Variants in DENND1B observed in about 807,000 individuals in gnomAD.
DENND1B encodes DENN domain containing 1B.
A neutral mutation model predicts 90.1 loss-of-function variants in DENND1B; 59 were observed. The observed-to-expected ratio is 0.65, with a 90% CI of 0.53 to 0.81. The LOEUF (loss-of-function observed/expected upper bound fraction) is 0.81. Among genes scored for constraint, DENND1B ranks in the 40% least tolerant of loss-of-function variants. DENND1B has a pLI of 0.00. For synonymous variants in DENND1B, 337 were observed against 324.6 expected, an observed-to-expected ratio of 1.04 and a Z score of -0.41; for missense variants, 862 against 912.6, an observed-to-expected ratio of 0.94 and a Z score of 0.71.
chr1:197,766,177 C>A (rs1457099388), intron 2 of DENND1B, among the ~76,000 whole-genome samples: 3 of 152,180 alleles, frequency 2.0e-5, no homozygotes, highest in Non-Finnish European at 4.4e-5. Context: ...TCAAGGGATT[C>A]TCCCACCTCT....
chr1:197,649,793 C>A (rs1211733802), intron 7 of DENND1B, among the ~76,000 whole-genome samples: 1 of 152,128 alleles, frequency 6.6e-6, no homozygotes, highest in African/African-American at 2.4e-5. Context: ...AAAAACCCTT[C>A]TAGACATTGG....
chr1:197,589,946 C>T (rs2125792281), intron 14 of DENND1B, among the ~76,000 whole-genome samples: 1 of 152,206 alleles, frequency 6.6e-6, no homozygotes, highest in East Asian at 1.9e-4. Flanking sequence ...TATTTTAACT[C>T]AAACAAACAT....
At chr1:197,722,086 A>G (rs76563437) in intron 2 of DENND1B, among the ~76,000 whole-genome samples, 5,067 of 152,216 alleles carry the variant, frequency 0.033, 284 homozygotes, top group African/African-American at 0.11. Flanking sequence ...TTCTTGCTGT[A>G]ATGTCTTACA....
At chr1:197,682,864 C>T (rs1656837032) in intron 3 of DENND1B, among the ~76,000 whole-genome samples, 1 of 152,132 alleles carries the variant, frequency 6.6e-6, no homozygotes, top group Non-Finnish European at 1.5e-5. Flanking sequence ...TTATATAAGG[C>T]CTTTAGGCCA....
At chr1:197,645,435 T>C (rs11807556) in intron 9 of DENND1B, among the ~76,000 whole-genome samples, 3,688 of 152,094 alleles carry the variant, frequency 0.024, 157 homozygotes, top group African/African-American at 0.083. Flanking sequence ...CTACAAATGA[T>C]AGAAATAGTT....
intron 2 of DENND1B, among the ~76,000 whole-genome samples, chr1:197,717,687 CT>C (rs1660772120): frequency 6.6e-6 from 1 of 151,804 alleles, no homozygotes; most frequent in Non-Finnish European, 1.5e-5. Context: ...ACTATTAAGG[CT>C]TTTTTAAAAT....
rs1015039312 is a variant in DENND1B, at chr1:197,508,769, A to G, written c.*1691T>C. 6.6e-6 allele frequency: 1 copy of G among 151,796 alleles called. No individual in the cohort carries two copies. Among genetic ancestry groups the G allele is most frequent in the Non-Finnish European group, 1.5e-5 (1 of 67,836 alleles). 9.4% of individuals were successfully genotyped at this position (151,796 alleles called of 1,614,324 possible). A position where few individuals can be genotyped will look rare whatever the true frequency, so the allele number is the denominator to read the frequency against. Reference sequence around the variant, plus strand: ...TAAAGTGGATATACTGAAAATGCTAATAACAATTTAACCATACTATCACTG... The same window carrying G: ...TAAAGTGGATATACTGAAAATGCTAGTAACAATTTAACCATACTATCACTG... On this transcript the variant is annotated 3_prime_UTR_variant, in exon 23 of 23. Transcript: ENST00000620048.
intron 2 of DENND1B, among the ~76,000 whole-genome samples, chr1:197,732,520 T>C (rs532190305): frequency 1.3e-5 from 2 of 152,292 alleles, no homozygotes; most frequent in South Asian, 4.1e-4. Context: ...ATCGGAATAA[T>C]AGAAGAAACA....
In DENND1B at chr1:197,514,310, C is replaced by T. The variant is rs926558260; in HGVS notation, c.1516-1357G>A. Among the ~76,000 whole-genome samples the T allele has an allele frequency of 7.3e-5, 11 of 151,612 alleles. No individual in the cohort carries two copies. The South Asian group carries it at 2.3e-3, about 32-fold the overall frequency. On this transcript the variant is annotated intron_variant, in intron 20 of 22. Transcript: ENST00000620048. ...AAATCCTTGATTTCTTTCCTTTTAACAATTTTGAGAGTGATGAGCTAAGCT... is the reference window on the plus strand; with the variant it reads ...AAATCCTTGATTTCTTTCCTTTTAATAATTTTGAGAGTGATGAGCTAAGCT...
rs1294797407 is a variant in DENND1B, at chr1:197,715,053, A to T, written c.104T>A (p.Phe35Tyr). ...ENEDPVVLWK[F>Y]PEDFGDQEIL... ...AACCTGGTCTCCAAAGTCCTCTGGG[A>T]ATTTCCACAATACCACAGGATCTGT... The change falls in exon 3 of 23, where the codon TTC becomes TAC. Residue 35 changes from phenylalanine to tyrosine, a missense_variant. Phe to Tyr is a conservative substitution (Grantham distance 22). Coordinates refer to ENST00000620048, the MANE Select transcript of DENND1B (RefSeq NM_001195215.2). The T allele has an allele frequency of 1.2e-6, 2 of 1,611,548 alleles. No homozygotes were observed. The highest frequency in any genetic ancestry group is 1.7e-6 in the Non-Finnish European group (2 of 1,178,572).
chr1:197,624,177 A>C (rs1011216617), intron 10 of DENND1B, among the ~76,000 whole-genome samples: 1 of 151,730 alleles, frequency 6.6e-6, no homozygotes, highest in Non-Finnish European at 1.5e-5. Context: ...ACTTATTATA[A>C]AGCTACAATA....
At chr1:197,595,542 T>C (rs1373042393) in intron 13 of DENND1B, among the ~76,000 whole-genome samples, 1 of 152,044 alleles carries the variant, frequency 6.6e-6, no homozygotes, top group Non-Finnish European at 1.5e-5. Flanking sequence ...CTAATGCAAA[T>C]TGGTTTATGC....
chr1:197,715,206 T>C (rs1660532980), intron 2 of DENND1B, 132 bp from the exon 3 acceptor site: 7 of 588,488 alleles, frequency 1.2e-5, no homozygotes, highest in East Asian at 9.4e-5. Flanking sequence ...TAAACATTTA[T>C]AGTTGATGAC....
chr1:197,609,748 A>G (rs79627522), intron 12 of DENND1B, among the ~76,000 whole-genome samples: 8,039 of 150,484 alleles, frequency 0.053, 312 homozygotes, highest in Non-Finnish European at 0.082. Flanking sequence ...CACCAACCTA[A>G]TAACACAATA....
At chr1:197,651,619 C>T (rs934625978) in intron 7 of DENND1B, among the ~76,000 whole-genome samples, 3 of 145,708 alleles carry the variant, frequency 2.1e-5, no homozygotes, top group East Asian at 4.0e-4. Context: ...TTATTATGCA[C>T]GGATTTCACC....
At chr1:197,588,159 TTAAA>T (rs1558276252) in intron 14 of DENND1B, among the ~76,000 whole-genome samples, 1 of 152,212 alleles carries the variant, frequency 6.6e-6, no homozygotes, top group East Asian at 1.9e-4. Flanking sequence ...ATTTTGAGTG[TTAAA>T]TAAATATCTG....
intron 9 of DENND1B, among the ~76,000 whole-genome samples, chr1:197,643,354 A>ACCAT (rs1228499691): frequency 2.6e-5 from 4 of 151,968 alleles, no homozygotes; most frequent in Non-Finnish European, 5.9e-5. Context: ...ATGGGGTTTC[A>ACCAT]CCATGTTGGC....
chr1:197,653,738 GA>G (rs1007910160), intron 6 of DENND1B, among the ~76,000 whole-genome samples: 3 of 148,616 alleles, frequency 2.0e-5, no homozygotes, highest in Admixed American at 6.7e-5. Flanking sequence ...ATGGTTTCAG[GA>G]AAAAAAAAGA....
At chr1:197,564,621 T>G (rs1202314800) in intron 15 of DENND1B, among the ~76,000 whole-genome samples, 1 of 151,960 alleles carries the variant, frequency 6.6e-6, no homozygotes, top group East Asian at 1.9e-4. Flanking sequence ...TTTATTGTAG[T>G]GGTCTGGAAC....
Sources: gnomAD v4.1 joint callset for allele counts (sites outside exome capture counted in the v4.1 genomes callset) on GRCh38, gnomAD v4.1.1 for gene constraint, MANE v1.5 for transcripts, NCBI Gene and HGNC (gene_info 2026-07-23, HGNC 2026-07-21) for gene names.